GFRAL: variants seen among roughly 807,000 people sequenced by gnomAD.
GFRAL encodes the protein GDNF family receptor alpha-like.
Under a neutral mutation model 45.4 loss-of-function variants are expected in GFRAL, and 36 were observed. That is an observed-to-expected ratio of 0.79 (90% CI 0.61 to 1.05). The LOEUF is 1.05. Among genes scored for constraint, GFRAL ranks in the 50% least tolerant of loss-of-function variants. The pLI, the probability that GFRAL is intolerant of heterozygous loss-of-function variation, is 0.00. For missense variants in GFRAL, 507 were observed against 467.5 expected, an observed-to-expected ratio of 1.08 and a Z score of -0.78; for synonymous variants, 166 against 154.1, an observed-to-expected ratio of 1.08 and a Z score of -0.57.
chr6:55,365,062 T>G (rs1768340315), intron 6 of GFRAL, among the ~76,000 whole-genome samples: 1 of 151,306 alleles, frequency 6.6e-6, no homozygotes, highest in Admixed American at 6.6e-5. Flanking sequence ...TGATTCTTCC[T>G]ACCCATGAGC....
chr6:55,390,509 A>G (rs1194702059), intron 6 of GFRAL, among the ~76,000 whole-genome samples: 8 of 152,206 alleles, frequency 5.3e-5, no homozygotes, highest in African/African-American at 1.9e-4. Context: ...AATATAATAT[A>G]TGTCCTTTCT....
chr6:55,397,573 A>C (rs996983704), intron 6 of GFRAL, among the ~76,000 whole-genome samples: 1 of 149,250 alleles, frequency 6.7e-6, no homozygotes, highest in Non-Finnish European at 1.5e-5. Context: ...ATTTGAGTTC[A>C]GACTCCCTGA....
chr6:55,379,998 T>C (rs1768587290), intron 6 of GFRAL, among the ~76,000 whole-genome samples: 1 of 151,988 alleles, frequency 6.6e-6, no homozygotes. Context: ...TTTTCCATGG[T>C]TGAATAGTAT....
intron 6 of GFRAL, among the ~76,000 whole-genome samples, chr6:55,376,242 C>T (rs527894277): frequency 2.9e-4 from 44 of 151,958 alleles, no homozygotes; most frequent in Non-Finnish European, 5.1e-4. Context: ...TTTTTTTGTG[C>T]TGCTGGATTC....
intron 3 of GFRAL, among the ~76,000 whole-genome samples, chr6:55,349,443 A>C (rs189645053): frequency 6.6e-6 from 1 of 151,926 alleles, no homozygotes; most frequent in Non-Finnish European, 1.5e-5. Flanking sequence ...GCTTTGTTTT[A>C]TATGTCTGTA....
chr6:55,351,308 G>A lies in GFRAL; in HGVS notation c.426G>A (p.Val142=). The A allele has an allele frequency of 6.2e-7, 1 of 1,613,058 alleles. No individual in the cohort carries two copies. The highest frequency in any genetic ancestry group is 8.5e-7 in the Non-Finnish European group (1 of 1,179,408). The change falls in exon 5 of 9, where the codon GTG becomes GTA. Residue 142 remains valine (V), a synonymous_variant. Coordinates refer to ENST00000340465, the MANE Select transcript of GFRAL (RefSeq NM_207410.2). ...LEVAEACVGD[V]VCNAQLASYL... ...TGGCAGAGGCATGTGTAGGGGATGT[G>A]GTCTGTAATGCACAGTTGGCCTCTT...
chr6:55,348,911 G>A (rs2127354625), intron 3 of GFRAL, among the ~76,000 whole-genome samples: 1 of 152,170 alleles, frequency 6.6e-6, no homozygotes, highest in East Asian at 1.9e-4. Flanking sequence ...TCCCAATGCA[G>A]GGGTACTAAT....
At chr6:55,384,702 TCAAA>T (rs1284710670) in intron 6 of GFRAL, among the ~76,000 whole-genome samples, 4 of 152,018 alleles carry the variant, frequency 2.6e-5, no homozygotes, top group Non-Finnish European at 4.4e-5. Flanking sequence ...AACATCTAAG[TCAAA>T]CCTGAACATA....
At chr6:55,337,911 C>T (rs1767912627) in intron 3 of GFRAL, among the ~76,000 whole-genome samples, 1 of 152,054 alleles carries the variant, frequency 6.6e-6, no homozygotes, top group Non-Finnish European at 1.5e-5. Flanking sequence ...TAACATAAAA[C>T]CTTGAGCCAC....
Position 55,331,860 on chromosome 6 carries a change from T to G in GFRAL, c.157+11T>G. On this transcript the variant is annotated intron_variant, in intron 2 of 8. Transcript: ENST00000340465. The stretch of plus-strand genomic sequence containing the variant: ...CCTGCAATGATTCAGGTAAACAAGT[T>G]GCTAAAAATACACTCAAATGATTTA... 6.2e-7 allele frequency: 1 copy of G among 1,603,156 alleles called. No individual in the cohort carries two copies. Among genetic ancestry groups the G allele is most frequent in the Non-Finnish European group, 8.5e-7 (1 of 1,175,396 alleles).
At chr6:55,345,513 T>C (rs4334984) in intron 3 of GFRAL, among the ~76,000 whole-genome samples, 140,484 of 152,230 alleles carry the variant, frequency 0.92, 65,590 homozygotes, top group Non-Finnish European at 1. Flanking sequence ...GAAACTGGAT[T>C]CCTTCCTTAC....
At chr6:55,343,549 G>A (rs899320737) in intron 3 of GFRAL, among the ~76,000 whole-genome samples, 2 of 152,154 alleles carry the variant, frequency 1.3e-5, no homozygotes, top group African/African-American at 4.8e-5. Context: ...GAAATTTATA[G>A]CACTAAATGC....
intron 6 of GFRAL, among the ~76,000 whole-genome samples, chr6:55,382,695 G>A (rs1409900719): frequency 6.6e-6 from 1 of 151,896 alleles, no homozygotes; most frequent in Non-Finnish European, 1.5e-5. Flanking sequence ...CCATAGAGAG[G>A]CAACATAGCA....
intron 2 of GFRAL, 101 bp downstream of exon 2, chr6:55,331,950 A>G (rs1321977696): frequency 4.7e-6 from 5 of 1,066,110 alleles, no homozygotes; most frequent in Admixed American, 2.7e-5. Flanking sequence ...GTTTTTTTCT[A>G]TGTATCTTAT....
intron 6 of GFRAL, among the ~76,000 whole-genome samples, chr6:55,365,759 T>C (rs1348737685): frequency 6.7e-6 from 1 of 150,294 alleles, no homozygotes; most frequent in Non-Finnish European, 1.5e-5. Context: ...TTTGTGTATA[T>C]TGAACCAGCC....
intron 3 of GFRAL, among the ~76,000 whole-genome samples, chr6:55,339,316 G>T (rs1279814563): frequency 6.6e-6 from 1 of 152,058 alleles, no homozygotes; most frequent in Non-Finnish European, 1.5e-5. Context: ...GAATATTCGA[G>T]TTAGGAATGT....
intron 6 of GFRAL, among the ~76,000 whole-genome samples, chr6:55,376,910 C>T (rs993371510): frequency 6.6e-6 from 1 of 151,782 alleles, no homozygotes; most frequent in Admixed American, 6.6e-5. Flanking sequence ...ATTTTTCAAT[C>T]TTATCTTTTA....
At chr6:55,339,284 A>G (rs994055233) in intron 3 of GFRAL, among the ~76,000 whole-genome samples, 6 of 152,232 alleles carry the variant, frequency 3.9e-5, no homozygotes, top group Admixed American at 6.5e-5. Flanking sequence ...TTCTGAAAAC[A>G]TTTCATCTGA....
chr6:55,395,175 A>AATATATATATATATATATATATAT (rs1234650477), intron 6 of GFRAL, among the ~76,000 whole-genome samples: 1 of 123,508 alleles, frequency 8.1e-6, no homozygotes, highest in African/African-American at 3.5e-5. Flanking sequence ...AAAAAAAAAA[A>AATATATATATATATATATATATAT]ATATATATAT....
Sources: allele counts gnomAD v4.1 joint callset (sites outside exome capture counted in the v4.1 genomes callset), GRCh38; gene constraint gnomAD v4.1.1; transcripts MANE v1.5; gene names NCBI Gene and HGNC (gene_info 2026-07-23, HGNC 2026-07-21).